Variants in SMARCC1 observed in about 807,000 individuals in gnomAD.
The protein encoded by SMARCC1 is SWI/SNF related BAF chromatin remodeling complex subunit C1, also known as SWI/SNF complex subunit SMARCC1.
In SMARCC1, 43 loss-of-function variants were observed where a neutral mutation model predicts 147.4. The observed-to-expected ratio is 0.29, with a 90% CI of 0.23 to 0.38. The LOEUF is 0.38. SMARCC1 is among the 10% of genes least tolerant of loss of function. The pLI is 1.00. For missense variants in SMARCC1, 1,119 were observed against 1,381.1 expected, an observed-to-expected ratio of 0.81 and a Z score of 3.01; for synonymous variants, 495 against 484.4, an observed-to-expected ratio of 1.02 and a Z score of -0.29.
chr3:47,617,415 A>G (rs1162818593), intron 25 of SMARCC1, among the ~76,000 whole-genome samples: 1 of 152,276 alleles, frequency 6.6e-6, no homozygotes, highest in Non-Finnish European at 1.5e-5. Flanking sequence ...GTGCTTTGGC[A>G]TAGTAACTGA....
chr3:47,760,159 C>T (rs1268851242), intron 2 of SMARCC1, among the ~76,000 whole-genome samples: 2 of 151,792 alleles, frequency 1.3e-5, no homozygotes, highest in African/African-American at 4.8e-5. Context: ...ACCAAAAATA[C>T]AAAATATCAG....
At chr3:47,746,144 T>C (rs1036394673) in intron 2 of SMARCC1, 151 bp from the exon 3 acceptor site, 3 of 541,156 alleles carry the variant, frequency 5.5e-6, no homozygotes, top group Middle Eastern at 4.9e-4. Context: ...GAGGAATCAA[T>C]ACATTTTTCT....
chr3:47,613,510 C>A (rs1247154346), intron 25 of SMARCC1, among the ~76,000 whole-genome samples: 1 of 151,810 alleles, frequency 6.6e-6, no homozygotes, highest in Non-Finnish European at 1.5e-5. Flanking sequence ...CAGGTGCCCA[C>A]TACCACGCCC....
At chr3:47,699,516 GTATGTATATACA>G (rs1241899923) in intron 11 of SMARCC1, among the ~76,000 whole-genome samples, 3 of 151,932 alleles carry the variant, frequency 2.0e-5, no homozygotes, top group Admixed American at 1.3e-4. Context: ...TAACTGCCCT[GTATGTATATACA>G]TATGTATATA....
chr3:47,735,333 G>GA (rs951390830), intron 5 of SMARCC1, among the ~76,000 whole-genome samples: 3 of 151,668 alleles, frequency 2.0e-5, no homozygotes, highest in Admixed American at 6.6e-5. Context: ...TGAGGGGAGA[G>GA]AAAAAAAACA....
chr3:47,622,165 G>C (rs757103087), intron 25 of SMARCC1, 42 bp downstream of exon 25: 3 of 1,570,184 alleles, frequency 1.9e-6, no homozygotes, highest in Admixed American at 1.9e-5. Context: ...AGTGACCAAG[G>C]TTTAATTGTG....
At chr3:47,691,625 A>C (rs1051750562) in intron 12 of SMARCC1, among the ~76,000 whole-genome samples, 2 of 152,118 alleles carry the variant, frequency 1.3e-5, no homozygotes, top group Non-Finnish European at 2.9e-5. Flanking sequence ...AAAACAAAAA[A>C]CAAAATACAA....
intron 19 of SMARCC1, among the ~76,000 whole-genome samples, chr3:47,667,722 C>T (rs2033440064): frequency 6.6e-6 from 1 of 151,900 alleles, no homozygotes. Flanking sequence ...TCTGAAAATA[C>T]AAAAATTAGC....
At chr3:47,696,242 C>T (rs377227083) in intron 11 of SMARCC1, among the ~76,000 whole-genome samples, 3 of 150,428 alleles carry the variant, frequency 2.0e-5, no homozygotes, top group African/African-American at 7.3e-5. Context: ...GGCGTGGTGG[C>T]GGGCGCCTAT....
Position 47,710,704 on chromosome 3 carries a change from C to T in SMARCC1, c.897G>A (p.Arg299=), listed in dbSNP as rs1376062555. 6.2e-7 allele frequency: 1 copy of T among 1,613,490 alleles called. No homozygotes were observed. Among genetic ancestry groups the T allele is most frequent in the Non-Finnish European group, 8.5e-7 (1 of 1,179,874 alleles). ...ENRKPVSFRQ[R]ISTKNEEPVR... ...ATACCTCTTCATTCTTGGTTGAAAT[C>T]CGCTGACGAAAACTCACAGGCTTCC... The change falls in exon 9 of 28, where the codon CGG becomes CGA. Residue 299 remains arginine, a synonymous_variant. Coordinates refer to ENST00000254480, the MANE Select transcript of SMARCC1 (RefSeq NM_003074.4).
chr3:47,770,533 G>A (rs1223727164), intron 2 of SMARCC1, among the ~76,000 whole-genome samples: 2 of 152,122 alleles, frequency 1.3e-5, no homozygotes, highest in Non-Finnish European at 2.9e-5. Context: ...TGAGGTACAA[G>A]ACTCACTTGA....
At chr3:47,743,042 T>G (rs1301116689) in intron 3 of SMARCC1, among the ~76,000 whole-genome samples, 2 of 151,942 alleles carry the variant, frequency 1.3e-5, no homozygotes, top group South Asian at 2.1e-4. Flanking sequence ...CACAATGAAA[T>G]AAGAAGAAAA....
intron 8 of SMARCC1, among the ~76,000 whole-genome samples, chr3:47,713,527 G>C (rs900683339): frequency 3.3e-5 from 5 of 151,978 alleles, no homozygotes; most frequent in Admixed American, 6.6e-5. Flanking sequence ...CTCAGCTCAA[G>C]CAATCCTCCT....
At chr3:47,623,705 C>T (rs768360222) in intron 24 of SMARCC1, among the ~76,000 whole-genome samples, 6 of 151,884 alleles carry the variant, frequency 4.0e-5, no homozygotes, top group Admixed American at 1.3e-4. Flanking sequence ...TTTATGCGCA[C>T]GATATAAACT....
intron 9 of SMARCC1, among the ~76,000 whole-genome samples, chr3:47,709,252 C>T (rs1431850893): frequency 1.3e-5 from 2 of 149,444 alleles, no homozygotes; most frequent in African/African-American, 2.5e-5. Flanking sequence ...TAGAACGAGA[C>T]CCCTTGTCAA....
At chr3:47,739,599 G>A (rs1479391070) in intron 3 of SMARCC1, among the ~76,000 whole-genome samples, 1 of 152,156 alleles carries the variant, frequency 6.6e-6, no homozygotes, top group Non-Finnish European at 1.5e-5. Context: ...CTCCCAAAGT[G>A]CTGACATTAC....
intron 2 of SMARCC1, among the ~76,000 whole-genome samples, chr3:47,768,503 C>T (rs2034867623): frequency 6.6e-6 from 1 of 152,076 alleles, no homozygotes; most frequent in Non-Finnish European, 1.5e-5. Context: ...TCATACATTC[C>T]TAATTAAGAA....
chr3:47,687,696 G>A (rs1388709877), intron 13 of SMARCC1, among the ~76,000 whole-genome samples: 1 of 152,030 alleles, frequency 6.6e-6, no homozygotes, highest in Non-Finnish European at 1.5e-5. Flanking sequence ...TTGAACTCCT[G>A]GGCTAAAAGT....
chr3:47,649,995 G>A (rs1024083994), intron 21 of SMARCC1, among the ~76,000 whole-genome samples: 5 of 152,174 alleles, frequency 3.3e-5, no homozygotes, highest in African/African-American at 9.7e-5. Context: ...AAATAATTCA[G>A]GCCGGGCTTG....
Sources: gnomAD v4.1 joint callset for allele counts (sites outside exome capture counted in the v4.1 genomes callset) on GRCh38, gnomAD v4.1.1 for gene constraint, MANE v1.5 for transcripts, NCBI Gene and HGNC (gene_info 2026-07-23, HGNC 2026-07-21) for gene names.